Variants in PPARGC1A observed in about 807,000 individuals in gnomAD.
PPARGC1A encodes PPARG coactivator 1 alpha.
Under a neutral mutation model 88.7 loss-of-function variants are expected in PPARGC1A, and 25 were observed. The observed-to-expected ratio is 0.28, with a 90% CI of 0.21 to 0.39. The LOEUF is 0.39. PPARGC1A is among the 10% of genes least tolerant of loss of function. The probability of loss-of-function intolerance (pLI) is 1.00; values close to 1 mark genes in which losing one functional copy is unlikely to be tolerated. For missense variants in PPARGC1A, 880 were observed against 968.7 expected (o/e 0.91, Z 1.22); for synonymous variants, 363 against 355.6 (o/e 1.02, Z -0.24).
At chr4:24,391,959 A>G in the PPARGC1A span, among the ~76,000 whole-genome samples, 1 of 152,198 alleles carries the variant, frequency 6.6e-6, no homozygotes, top group East Asian at 1.9e-4. Flanking sequence ...CAAAGGATAC[A>G]GAAGGTACAA....
the PPARGC1A span, among the ~76,000 whole-genome samples, chr4:24,278,653 C>T: frequency 6.6e-6 from 1 of 152,182 alleles, no homozygotes; most frequent in South Asian, 2.1e-4. Context: ...GAGACCTTCA[C>T]CCCAACTCCT....
At chr4:24,166,466 C>A in the PPARGC1A span, among the ~76,000 whole-genome samples, 2 of 152,164 alleles carry the variant, frequency 1.3e-5, no homozygotes, top group African/African-American at 4.8e-5. Flanking sequence ...CCATCTAGGA[C>A]TTTCATAGTT....
At chr4:23,840,660 T>C (rs146152856) in intron 2 of PPARGC1A, among the ~76,000 whole-genome samples, 7 of 152,304 alleles carry the variant, frequency 4.6e-5, no homozygotes, top group African/African-American at 1.7e-4. Context: ...AGGGGAGGTC[T>C]GTGAGACCTA....
chr4:23,824,475 G>A lies in PPARGC1A; in HGVS notation c.791C>T (p.Pro264Leu). Reference sequence around the variant, plus strand: ...TCTTAATACTTACTTTGGTGACTCTGGGGTCAGAGGAAGAGATAAAGTTGT... The same window carrying A: ...TCTTAATACTTACTTTGGTGACTCTAGGGTCAGAGGAAGAGATAAAGTTGT... Reference protein sequence around the residue: ...KPTTLSLPLTPESPNDPKGSP... With the variant: ...KPTTLSLPLTLESPNDPKGSP... The change falls in exon 6 of 13, where the codon CCA (proline) becomes CTA (leucine). Residue 264 changes from proline (P) to leucine (L), a missense_variant. Coordinates refer to ENST00000264867, the MANE Select transcript of PPARGC1A (RefSeq NM_013261.5). 1 of 1,610,152 alleles carries A rather than the reference G, an allele frequency of 6.2e-7. No homozygotes were observed. Among genetic ancestry groups the A allele is most frequent in the Non-Finnish European group, 8.5e-7 (1 of 1,176,850 alleles).
the PPARGC1A span, among the ~76,000 whole-genome samples, chr4:24,167,612 A>T: frequency 6.6e-6 from 1 of 152,334 alleles, no homozygotes; most frequent in East Asian, 1.9e-4. Context: ...TGCCACAGCC[A>T]CCCAACCCTC....
chr4:24,339,212 G>GTGTGTATA, the PPARGC1A span, among the ~76,000 whole-genome samples: 2 of 59,042 alleles, frequency 3.4e-5, no homozygotes, highest in Non-Finnish European at 8.3e-5. Context: ...GTGTGTGTGT[G>GTGTGTATA]TATATATATA....
At chr4:24,157,525 A>G in the PPARGC1A span, among the ~76,000 whole-genome samples, 1 of 152,104 alleles carries the variant, frequency 6.6e-6, no homozygotes, top group African/African-American at 2.4e-5. Context: ...ACTCCTGCAT[A>G]TCCTATCTGC....
chr4:24,445,500 T>TG, the PPARGC1A span, among the ~76,000 whole-genome samples: 7,430 of 152,324 alleles, frequency 0.049, 272 homozygotes, highest in Non-Finnish European at 0.071. Context: ...GTTTTCTGAT[T>TG]ATTATAAAAT....
chr4:23,871,818 T>C (rs1713437552), intron 2 of PPARGC1A, among the ~76,000 whole-genome samples: 1 of 152,120 alleles, frequency 6.6e-6, no homozygotes, highest in Non-Finnish European at 1.5e-5. Context: ...CAAGAGCCGT[T>C]TCAAAGCAGA....
At chr4:23,965,272 G>A in the PPARGC1A span, among the ~76,000 whole-genome samples, 1 of 152,136 alleles carries the variant, frequency 6.6e-6, no homozygotes, top group Non-Finnish European at 1.5e-5. Flanking sequence ...AATCACAGTT[G>A]CTTGTGTATC....
At chr4:24,012,687 T>C in the PPARGC1A span, among the ~76,000 whole-genome samples, 20 of 152,230 alleles carry the variant, frequency 1.3e-4, 1 homozygote, top group South Asian at 4.2e-3. Flanking sequence ...GCCAAAACCT[T>C]AGGAAATCTT....
At position 23,814,367 on chromosome 4, in the gene PPARGC1A, C is replaced by T; in HGVS notation, c.1116G>A (p.Lys372=). 1.2e-6 allele frequency: 2 copies of T among 1,613,894 alleles called. No individual in the cohort carries two copies. The highest frequency in any genetic ancestry group is 1.7e-6 in the Non-Finnish European group (2 of 1,179,952). The change falls in exon 8 of 13, where the codon AAG becomes AAA. Residue 372 remains lysine, a synonymous_variant. Coordinates refer to ENST00000264867, the MANE Select transcript of PPARGC1A (RefSeq NM_013261.5). ...SVLTGGHEER[K]TKRPSLRLFG... ...ACAGCCGCAGACTGGGCCGCTTGGTCTTCCTTTCCTCGTGTCCACCAGTGA... is the reference window on the plus strand; with the variant it reads ...ACAGCCGCAGACTGGGCCGCTTGGTTTTCCTTTCCTCGTGTCCACCAGTGA...
At chr4:24,129,796 C>T in the PPARGC1A span, among the ~76,000 whole-genome samples, 1,749 of 152,224 alleles carry the variant, frequency 0.011, 37 homozygotes, top group African/African-American at 0.04. Context: ...CACATATACA[C>T]CATGGAATAC....
the PPARGC1A span, among the ~76,000 whole-genome samples, chr4:24,178,144 C>A: frequency 6.6e-6 from 1 of 152,146 alleles, no homozygotes; most frequent in Non-Finnish European, 1.5e-5. Flanking sequence ...CCCCATAAAT[C>A]CTATTCATTC....
At chr4:23,884,047 T>A (rs1716453351) in intron 2 of PPARGC1A, 1 of 152,140 alleles carries the variant, frequency 6.6e-6, no homozygotes, top group Non-Finnish European at 1.5e-5. Flanking sequence ...GTATTTCAAG[T>A]AAATGAGTAC....
At chr4:24,006,130 C>T in the PPARGC1A span, among the ~76,000 whole-genome samples, 2 of 152,124 alleles carry the variant, frequency 1.3e-5, no homozygotes, top group Non-Finnish European at 2.9e-5. Flanking sequence ...CTCACTGCAA[C>T]CTCTACCTCC....
At chr4:24,462,797 T>C in the PPARGC1A span, among the ~76,000 whole-genome samples, 1 of 150,978 alleles carries the variant, frequency 6.6e-6, no homozygotes, top group Non-Finnish European at 1.5e-5. Context: ...ACTCCATAAA[T>C]ATTTGAGGAA....
Position 23,801,258 on chromosome 4 carries a change from C to T in PPARGC1A, c.2293+472G>A, listed in dbSNP as rs1718667466. 3.3e-5 allele frequency among the ~76,000 whole-genome samples: 5 copies of T among 151,748 alleles called. No individual in the cohort carries two copies. The South Asian group carries it at 1.0e-3, about 32-fold the overall frequency. On this transcript the variant is annotated intron_variant, in intron 12 of 12. Coordinates refer to ENST00000264867, the MANE Select transcript of PPARGC1A (RefSeq NM_013261.5). ...GACACATACAATACCTGCATACATA[C>T]ACACACAAAGACACATGATAGCCAC...
At chr4:23,962,798 A>G in the PPARGC1A span, among the ~76,000 whole-genome samples, 1,193 of 152,170 alleles carry the variant, frequency 7.8e-3, 7 homozygotes, top group Non-Finnish European at 0.012. Context: ...CTTCCATTTC[A>G]ATTGTCTCCT....
Sources: gnomAD v4.1 joint callset for allele counts (sites outside exome capture counted in the v4.1 genomes callset) on GRCh38, gnomAD v4.1.1 for gene constraint, MANE v1.5 for transcripts, NCBI Gene and HGNC (gene_info 2026-07-23, HGNC 2026-07-21) for gene names.